The following GNAQ variants were observed in gnomAD, a reference collection of about 807,000 sequenced individuals.
The protein encoded by GNAQ is G protein subunit alpha q.
GNAQ carries 8 observed loss-of-function variants against 43.9 expected under a neutral mutation model. The ratio of observed to expected loss-of-function variants is 0.18; its 90% CI spans 0.11 to 0.33. The LOEUF (loss-of-function observed/expected upper bound fraction) is 0.33, where lower values mean the gene tolerates loss of function less well. Among genes scored for constraint, GNAQ ranks in the 10% least tolerant of loss-of-function variants. GNAQ has a pLI of 1.00. For missense variants in GNAQ, 158 were observed against 450.8 expected (o/e 0.35, Z 5.88); for synonymous variants, 155 against 170.7 (o/e 0.91, Z 0.71).
At chr9:77,892,031 ATTGTTTTT>A (rs1828413671) in intron 2 of GNAQ, among the ~76,000 whole-genome samples, 1 of 152,190 alleles carries the variant, frequency 6.6e-6, no homozygotes, top group Non-Finnish European at 1.5e-5. Context: ...CACCCCCCAG[ATTGTTTTT>A]TTGTTTGTTT....
intron 2 of GNAQ, among the ~76,000 whole-genome samples, chr9:77,873,529 G>A (rs1474119137): frequency 6.6e-6 from 1 of 152,146 alleles, no homozygotes; most frequent in East Asian, 1.9e-4. Flanking sequence ...AGGTGTCCTT[G>A]TTTCAGTGAC....
At chr9:77,976,931 A>G (rs921807667) in intron 1 of GNAQ, among the ~76,000 whole-genome samples, 1 of 152,160 alleles carries the variant, frequency 6.6e-6, no homozygotes, top group Non-Finnish European at 1.5e-5. Flanking sequence ...ATTTAAAACC[A>G]CCTGCCTGAA....
intron 1 of GNAQ, among the ~76,000 whole-genome samples, chr9:78,014,427 G>A (rs528378736): frequency 9.1e-4 from 138 of 152,166 alleles, no homozygotes; most frequent in African/African-American, 3.2e-3. Context: ...CGACCAACAT[G>A]GTGAAACCCC....
chr9:77,969,669 C>A (rs1331038099), intron 1 of GNAQ, among the ~76,000 whole-genome samples: 1 of 152,158 alleles, frequency 6.6e-6, no homozygotes, highest in African/African-American at 2.4e-5. Flanking sequence ...TGGAAAACAA[C>A]CCAGCTTACT....
At chr9:77,747,136 C>T (rs1485724436) in intron 5 of GNAQ, among the ~76,000 whole-genome samples, 4 of 152,094 alleles carry the variant, frequency 2.6e-5, no homozygotes, top group Non-Finnish European at 4.4e-5. Flanking sequence ...AGAGTTTTCA[C>T]TCTCTTCTGT....
chr9:77,991,015 G>A (rs137972236), intron 1 of GNAQ, among the ~76,000 whole-genome samples: 5 of 152,230 alleles, frequency 3.3e-5, no homozygotes, highest in East Asian at 1.9e-4. Context: ...CTTTAACTTC[G>A]GATTTCAAGG....
intron 6 of GNAQ, among the ~76,000 whole-genome samples, chr9:77,728,014 T>TA (rs1239216143): frequency 6.6e-6 from 1 of 152,028 alleles, no homozygotes; most frequent in African/African-American, 2.4e-5. Flanking sequence ...CTTTTTTTTT[T>TA]AGACAGAGTC....
intron 2 of GNAQ, among the ~76,000 whole-genome samples, chr9:77,916,457 T>C (rs911212172): frequency 1.3e-5 from 2 of 152,204 alleles, no homozygotes; most frequent in African/African-American, 4.8e-5. Context: ...CTGGCTACAT[T>C]TTTCAGGAAA....
chr9:77,780,333 T>A (rs1305635846), intron 5 of GNAQ, among the ~76,000 whole-genome samples: 1 of 151,972 alleles, frequency 6.6e-6, no homozygotes, highest in Non-Finnish European at 1.5e-5. Context: ...GATCTACAGT[T>A]TTTTTTCACA....
chr9:77,797,194 G>A (rs909931513), intron 4 of GNAQ, among the ~76,000 whole-genome samples: 2 of 151,894 alleles, frequency 1.3e-5, no homozygotes, highest in African/African-American at 2.4e-5. Context: ...CAGCATGCCC[G>A]GCTAATTTTT....
At chr9:77,913,676 T>C (rs535586436) in intron 2 of GNAQ, among the ~76,000 whole-genome samples, 2 of 152,338 alleles carry the variant, frequency 1.3e-5, no homozygotes, top group African/African-American at 4.8e-5. Context: ...CCTTCATTCA[T>C]ACCAAGATCA....
chr9:77,972,313 G>A (rs1823246168), intron 1 of GNAQ, among the ~76,000 whole-genome samples: 1 of 152,150 alleles, frequency 6.6e-6, no homozygotes, highest in African/African-American at 2.4e-5. Context: ...CAAATCCTGA[G>A]GCAGGTACTA....
chr9:77,893,345 C>T lies in GNAQ; in HGVS notation c.321+28816G>A, dbSNP rs182130175. 1.2e-3 allele frequency among the ~76,000 whole-genome samples: 187 copies of T among 152,298 alleles called. 3 individuals carry two copies. The highest frequency in any genetic ancestry group is 3.1e-4 in the Non-Finnish European group (21 of 68,028). ...TCACACATTAGCATGCTAAAAGACACTCCCACCAGCATCATGACAGTTTAC... is the reference window on the plus strand; with the variant it reads ...TCACACATTAGCATGCTAAAAGACATTCCCACCAGCATCATGACAGTTTAC... On this transcript the variant is annotated intron_variant, in intron 2 of 6. Coordinates refer to ENST00000286548, the MANE Select transcript of GNAQ (RefSeq NM_002072.5).
At chr9:77,756,515 T>TAGTA (rs1175909783) in intron 5 of GNAQ, among the ~76,000 whole-genome samples, 2 of 152,204 alleles carry the variant, frequency 1.3e-5, no homozygotes, top group African/African-American at 2.4e-5. Context: ...GTGGGCAGGT[T>TAGTA]AGTAAGTTCT....
chr9:77,733,169 T>C (rs1279995326), intron 5 of GNAQ, among the ~76,000 whole-genome samples: 2 of 152,148 alleles, frequency 1.3e-5, no homozygotes, highest in Non-Finnish European at 1.5e-5. Flanking sequence ...TGCTTTGTAA[T>C]TGCAAGCAGG....
intron 2 of GNAQ, among the ~76,000 whole-genome samples, chr9:77,916,503 G>T (rs1828907561): frequency 6.6e-6 from 1 of 152,158 alleles, no homozygotes; most frequent in African/African-American, 2.4e-5. Context: ...GATTATTCAG[G>T]AAGTACAGAA....
intron 1 of GNAQ, among the ~76,000 whole-genome samples, chr9:78,001,358 G>A (rs1469777856): frequency 6.6e-6 from 1 of 151,776 alleles, no homozygotes; most frequent in East Asian, 1.9e-4. Context: ...CTGAGATCGC[G>A]CCACTGCACA....
At chr9:77,866,865 G>A (rs1242763143) in intron 2 of GNAQ, among the ~76,000 whole-genome samples, 1 of 152,140 alleles carries the variant, frequency 6.6e-6, no homozygotes, top group Admixed American at 6.5e-5. Context: ...GTCATCTGGA[G>A]TTTATTATTT....
At chr9:77,735,263 C>T (rs1440899448) in intron 5 of GNAQ, among the ~76,000 whole-genome samples, 1 of 152,182 alleles carries the variant, frequency 6.6e-6, no homozygotes, top group African/African-American at 2.4e-5. Flanking sequence ...CACTAAAGAA[C>T]ACCTTACAGA....
Sources: allele counts gnomAD v4.1 joint callset (sites outside exome capture counted in the v4.1 genomes callset), GRCh38; gene constraint gnomAD v4.1.1; transcripts MANE v1.5; gene names NCBI Gene and HGNC (gene_info 2026-07-23, HGNC 2026-07-21).